Variants in ZFP69 observed in about 807,000 individuals in gnomAD.
The protein encoded by ZFP69 is zinc finger protein 69 homolog.
ZFP69 carries 35 observed loss-of-function variants against 48.9 expected under a neutral mutation model. That is an observed-to-expected ratio of 0.72 (90% CI 0.55 to 0.95). The LOEUF (loss-of-function observed/expected upper bound fraction) is 0.95. Ranked by LOEUF, ZFP69 falls within the 40% of genes least tolerant of loss-of-function variation. ZFP69 has a pLI of 0.00. For missense variants in ZFP69, 557 were observed against 638.4 expected, an observed-to-expected ratio of 0.87 and a Z score of 1.37; for synonymous variants, 193 against 216.8, an observed-to-expected ratio of 0.89 and a Z score of 0.96.
At chr1:40,485,366 C>T (rs1286024856) in intron 3 of ZFP69, among the ~76,000 whole-genome samples, 1 of 152,130 alleles carries the variant, frequency 6.6e-6, no homozygotes, top group East Asian at 1.9e-4. Context: ...TATGGCTTCA[C>T]ATATCATATG....
rs1056516571 is a variant in ZFP69, at chr1:40,495,081, C to T, written c.603C>T (p.His201=). The change falls in exon 6 of 6, where the codon CAC becomes CAT. Residue 201 remains histidine, a synonymous_variant. Transcript: ENST00000372706. ...CATATGATGATGTCTTAGAAAGGCA[C>T]CAGGAAACTTGTATGAGAGATGTGA... ...VSTYDDVLER[H]QETCMRDVRQ... 1 of 1,614,004 alleles carries T rather than the reference C, an allele frequency of 6.2e-7. No homozygotes were observed. The highest frequency in any genetic ancestry group is 2.2e-5 in the East Asian group (1 of 44,858).
intron 3 of ZFP69, among the ~76,000 whole-genome samples, chr1:40,484,997 A>T (rs1289077540): frequency 7.0e-6 from 1 of 143,392 alleles, no homozygotes; most frequent in Non-Finnish European, 1.5e-5. Context: ...GGTTCAAGCG[A>T]TTCTCCTGCC....
Position 40,495,902 on chromosome 1 carries a change from CCT to C in ZFP69, c.1425_1426del (p.Tyr476Ter). The C allele has an allele frequency of 6.2e-7, 1 of 1,614,142 alleles. No homozygotes were observed. The highest frequency in any genetic ancestry group is 8.5e-7 in the Non-Finnish European group (1 of 1,180,038). ...TATGAATGCAACCGCTGTGGAAAAG[CCT>C]ATAGGCATGATTCATCCTTTAAAAA... On this transcript the variant is annotated frameshift_variant, in exon 6 of 6. Transcript: ENST00000372706. LOFTEE classifies it high-confidence loss of function.
chr1:40,491,085 T>G (rs1442426885), intron 5 of ZFP69: 4 of 152,236 alleles, frequency 2.6e-5, no homozygotes, highest in Non-Finnish European at 5.9e-5. Context: ...TATATATCAG[T>G]GTATACATAC....
chr1:40,487,940 G>A (rs553221155), intron 3 of ZFP69, among the ~76,000 whole-genome samples: 7 of 151,900 alleles, frequency 4.6e-5, no homozygotes, highest in Non-Finnish European at 7.4e-5. Flanking sequence ...CCAGCTACCT[G>A]GGAGGCTGAG....
At chr1:40,484,835 C>T (rs1645478891) in intron 3 of ZFP69, among the ~76,000 whole-genome samples, 1 of 151,004 alleles carries the variant, frequency 6.6e-6, no homozygotes, top group Admixed American at 6.6e-5. Context: ...CCCGCCTCTC[C>T]CTCCCAAAGG....
chr1:40,488,254 T>A (rs2124452376), intron 3 of ZFP69, among the ~76,000 whole-genome samples: 1 of 152,296 alleles, frequency 6.6e-6, no homozygotes, highest in South Asian at 2.1e-4. Flanking sequence ...GTGGTTAAGG[T>A]GAGGGGCTCC....
rs779281215 is a variant in ZFP69, at chr1:40,495,860, A to G, written c.1382A>G (p.His461Arg). The change falls in exon 6 of 6, where the codon CAT becomes CGT. Residue 461 changes from histidine to arginine, a missense_variant. Transcript: ENST00000372706. Reference sequence around the variant, plus strand: ...CACCTTAGCAACCATAAAACTGTTCATACAGGAGTGAAAGCATATGAATGC... The same window carrying G: ...CACCTTAGCAACCATAAAACTGTTCGTACAGGAGTGAAAGCATATGAATGC... ...RIHLSNHKTV[H>R]TGVKAYECNR... is the part of the protein sequence containing the mutation. 5.3e-5 allele frequency: 85 copies of G among 1,614,134 alleles called. No homozygotes were observed. Among genetic ancestry groups the G allele is most frequent in the Non-Finnish European group, 6.9e-5 (82 of 1,180,048 alleles).
At chr1:40,479,573 AGGAG>A in intron 2 of ZFP69, 85 bp downstream of exon 2, 4 of 1,447,838 alleles carry the variant, frequency 2.8e-6, no homozygotes, top group Non-Finnish European at 3.7e-6. Flanking sequence ...AGTGGAGAGA[AGGAG>A]GGAGAGAAGG....
rs192645627 is a variant in ZFP69 at position 40,481,712 on chromosome 1, A to G, written c.128-51A>G. ...GAGTGGGTCTGCAGGCAATTTCTTT[A>G]TTTGGGAGATTTGGGGAGATGCAAA... is the stretch of plus-strand genomic sequence containing the variant. On this transcript the variant is annotated intron_variant, in intron 2 of 5. Coordinates refer to ENST00000372706, the MANE Select transcript of ZFP69 (RefSeq NM_001320179.2). The G allele has an allele frequency of 1.8e-5, 26 of 1,458,602 alleles. No individual in the cohort carries two copies. The African/African-American group carries it at 3.7e-4, about 21-fold the overall frequency. 90.4% of individuals were successfully genotyped at this position (1,458,602 alleles called of 1,614,324 possible).
rs1173225312 is a variant in ZFP69 at position 40,489,200 on chromosome 1, A to G, written c.332A>G (p.Asn111Ser). The change falls in exon 4 of 6, where the codon AAC becomes AGC. Residue 111 changes from asparagine (N) to serine (S), a missense_variant. Physicochemically the swap from Asn to Ser is conservative, Grantham distance 46. Transcript: ENST00000372706. ...GAGGTGATGCTGGAGAACTACAGCA[A>G]CTTGGTGTCAGTGGGTAAGACTTGG... ...YREVMLENYS[N>S]LVSVGYQLSK... 5 of 1,614,130 alleles carry G rather than the reference A, an allele frequency of 3.1e-6. No homozygotes were observed. The highest frequency in any genetic ancestry group is 1.7e-5 in the Admixed American group (1 of 60,016).
Position 40,495,753 on chromosome 1 carries a change from T to A in ZFP69, c.1275T>A (p.Tyr425Ter). 1 of 1,614,036 alleles carries A rather than the reference T, an allele frequency of 6.2e-7. No homozygotes were observed. Among genetic ancestry groups the A allele is most frequent in the Non-Finnish European group, 8.5e-7 (1 of 1,179,992 alleles). Residue 425 changes from tyrosine (Y) to a stop codon, truncating the protein, a stop_gained, in exon 6 of 6, where the codon TAT becomes TAA. Transcript: ENST00000372706. LOFTEE classifies it high-confidence loss of function. ...ACCKTFSHRA[Y>*]LTHHQRIHTG... ...GTAAAACCTTTAGTCATAGAGCGTA[T>A]CTAACACATCACCAGAGAATCCATA...
Position 40,495,901 on chromosome 1 carries a change from G to A in ZFP69, c.1423G>A (p.Ala475Thr). ...ATATGAATGCAACCGCTGTGGAAAAGCCTATAGGCATGATTCATCCTTTAA... is the reference window on the plus strand; with the variant it reads ...ATATGAATGCAACCGCTGTGGAAAAACCTATAGGCATGATTCATCCTTTAA... ...KAYECNRCGK[A>T]YRHDSSFKKH... The change falls in exon 6 of 6, where the codon GCC (alanine) becomes ACC (threonine). Residue 475 changes from alanine to threonine, a missense_variant. Ala to Thr is a moderately conservative substitution (Grantham distance 58). Coordinates refer to ENST00000372706, the MANE Select transcript of ZFP69 (RefSeq NM_001320179.2). The A allele has an allele frequency of 6.2e-7, 1 of 1,614,166 alleles. No homozygotes were observed. Among genetic ancestry groups the A allele is most frequent in the Non-Finnish European group, 8.5e-7 (1 of 1,180,032 alleles).
rs1363060183 is a variant in ZFP69 at position 40,477,655 on chromosome 1, T to A, written c.-566T>A. ...GATGGGAATGTGGAGCAGACCCTCG[T>A]CCACTCCGGAGGCCGAGGGTCCTCC... On this transcript the variant is annotated 5_prime_UTR_variant, in exon 1 of 6. Transcript: ENST00000372706. This position sits in a 1 kb window ranked among gnomAD's most constrained non-coding sequence, Gnocchi z 4.0. 2.6e-5 allele frequency: 4 copies of A among 152,094 alleles called. No individual in the cohort carries two copies. The highest frequency in any genetic ancestry group is 9.7e-5 in the African/African-American group (4 of 41,424). 9.4% of individuals were successfully genotyped at this position (152,094 alleles called of 1,614,324 possible).
intron 5 of ZFP69, among the ~76,000 whole-genome samples, chr1:40,494,449 T>C (rs1645603933): frequency 6.9e-6 from 1 of 145,834 alleles, no homozygotes; most frequent in African/African-American, 2.5e-5. Context: ...TTTGTATTTT[T>C]AGTAGAGACG....
At position 40,494,688 on chromosome 1, in the gene ZFP69, A is replaced by G. The variant is rs539769465; in HGVS notation, c.443-233A>G. ...TTATATATTTATAAATATTTGGTAT[A>G]TAAAATATACATTATATATATATAA... On this transcript the variant is annotated intron_variant, in intron 5 of 5. Transcript: ENST00000372706. Among the ~76,000 whole-genome samples the G allele has an allele frequency of 3.5e-3, 513 of 145,846 alleles. 6 individuals are homozygous for G. Among genetic ancestry groups the G allele is most frequent in the African/African-American group, 0.012 (499 of 40,130 alleles).
chr1:40,482,352 A>T (rs1465913656), intron 3 of ZFP69, among the ~76,000 whole-genome samples: 3 of 152,200 alleles, frequency 2.0e-5, no homozygotes, highest in Non-Finnish European at 4.4e-5. Flanking sequence ...CACACAGTGC[A>T]CACATCAGAC....
rs376720018 is a variant in ZFP69, at chr1:40,481,884, C to T, written c.219+30C>T. On this transcript the variant is annotated intron_variant, in intron 3 of 5. Transcript: ENST00000372706. ...GTAGGGATTCATCTCATTTTCTTGA[C>T]ATTGCTTCTCCTGTTTTTAGGGTAT... 5.2e-6 allele frequency: 8 copies of T among 1,545,238 alleles called. 1 individual carries two copies. In the African/African-American group the frequency reaches 1.1e-4, roughly 21 times the overall value.
chr1:40,478,562 A>C (rs1645412367), intron 1 of ZFP69, among the ~76,000 whole-genome samples: 1 of 152,192 alleles, frequency 6.6e-6, no homozygotes, highest in Non-Finnish European at 1.5e-5. Flanking sequence ...TGAACTTTAA[A>C]TTCAGATTTA....
Sources: gnomAD v4.1 joint callset for allele counts (sites outside exome capture counted in the v4.1 genomes callset) on GRCh38, gnomAD v4.1.1 for gene constraint, Gnocchi (gnomAD v3.1) non-coding constraint, MANE v1.5 for transcripts, NCBI Gene and HGNC (gene_info 2026-07-23, HGNC 2026-07-21) for gene names.